CYP7B1: variants seen among roughly 807,000 people sequenced by gnomAD.
CYP7B1 encodes cytochrome P450 family 7 subfamily B member 1, also known as cytochrome P450 7B1.
In CYP7B1, 29 loss-of-function variants were observed where a neutral mutation model predicts 42.7. The ratio of observed to expected loss-of-function variants is 0.68; its 90% CI spans 0.51 to 0.93. CYP7B1 has a LOEUF of 0.93. Ranked by LOEUF, CYP7B1 falls within the 40% of genes least tolerant of loss-of-function variation. The pLI, the probability that CYP7B1 is intolerant of heterozygous loss-of-function variation, is 0.00. For synonymous variants in CYP7B1, 235 were observed against 218.2 expected (o/e 1.08, Z -0.68); for missense variants, 655 against 600.5 (o/e 1.09, Z -0.95).
rs1049281941 is a variant in CYP7B1 at position 64,597,015 on chromosome 8, G to C, written c.1234-86C>G. ...ACAAAGTTGCTAGCTCTCTCTGCCT[G>C]TCTTAAAAAGCTCCTTTTAATCAGG... On this transcript the variant is annotated intron_variant, in intron 5 of 5. Transcript: ENST00000310193. 2.5e-6 allele frequency: 3 copies of C among 1,196,282 alleles called. No individual in the cohort carries two copies. The African/African-American group carries it at 4.7e-5, about 19-fold the overall frequency. 74.1% of individuals were successfully genotyped at this position (1,196,282 alleles called of 1,614,324 possible).
At chr8:64,629,642 G>A (rs79578401) in intron 1 of CYP7B1, among the ~76,000 whole-genome samples, 4,402 of 152,108 alleles carry the variant, frequency 0.029, 196 homozygotes, top group African/African-American at 0.1. Context: ...GGAAGCTGCT[G>A]TGTTTTACCG....
intron 1 of CYP7B1, among the ~76,000 whole-genome samples, chr8:64,624,839 C>CCCATCA (rs1805584005): frequency 6.6e-6 from 1 of 151,676 alleles, no homozygotes; most frequent in South Asian, 2.1e-4. Flanking sequence ...TTTTGGTTTA[C>CCCATCA]CCATCACCCG....
intron 1 of CYP7B1, among the ~76,000 whole-genome samples, chr8:64,691,425 G>C (rs1011163814): frequency 7.9e-6 from 1 of 126,442 alleles, no homozygotes; most frequent in Admixed American, 9.9e-5. Flanking sequence ...GGCACACACA[G>C]CCAGCATATG....
chr8:64,731,428 C>T lies in CYP7B1; in HGVS notation c.122+67038G>A, dbSNP rs112475057. Among the ~76,000 whole-genome samples the T allele has an allele frequency of 1.4e-4, 21 of 152,136 alleles. 2 individuals are homozygous for T. The highest frequency in any genetic ancestry group is 4.3e-4 in the African/African-American group (18 of 41,516). ...ACTGGCAGCATTTTGCCCCTGCCCTCGAGATCTATGGAAATTTGAATTTGA... is the reference window on the plus strand; with the variant it reads ...ACTGGCAGCATTTTGCCCCTGCCCTTGAGATCTATGGAAATTTGAATTTGA... On this transcript the variant is annotated intron_variant, in intron 1 of 5. Coordinates refer to ENST00000310193, the MANE Select transcript of CYP7B1 (RefSeq NM_004820.5).
intron 4 of CYP7B1, 118 bp downstream of exon 4, chr8:64,614,908 G>A (rs1805410475): frequency 1.1e-6 from 1 of 873,708 alleles, no homozygotes; most frequent in Non-Finnish European, 1.9e-6. Flanking sequence ...ATGTAAATGG[G>A]TGTTATTATG....
At chr8:64,686,615 C>T (rs1407689968) in intron 1 of CYP7B1, among the ~76,000 whole-genome samples, 3 of 54,318 alleles carry the variant, frequency 5.5e-5, no homozygotes, top group Admixed American at 3.2e-4. Flanking sequence ...GCCACCACCC[C>T]GTCTGGGAGG....
chr8:64,692,423 G>A (rs762706433), intron 1 of CYP7B1, among the ~76,000 whole-genome samples: 11 of 152,168 alleles, frequency 7.2e-5, no homozygotes, highest in African/African-American at 1.4e-4. Flanking sequence ...GATGGAGCCC[G>A]GTCTGAGAGT....
At chr8:64,724,142 T>C (rs542281029) in intron 1 of CYP7B1, among the ~76,000 whole-genome samples, 5 of 147,794 alleles carry the variant, frequency 3.4e-5, no homozygotes, top group African/African-American at 1.3e-4. Context: ...AAAGAATAAT[T>C]TTTTTTTTTT....
At chr8:64,710,014 T>C (rs1017759141) in intron 1 of CYP7B1, among the ~76,000 whole-genome samples, 2 of 152,140 alleles carry the variant, frequency 1.3e-5, no homozygotes, top group African/African-American at 4.8e-5. Flanking sequence ...AACAGTTCTA[T>C]CAGATAAAAA....
At chr8:64,589,531 CATT>C (rs1403038180), downstream of CYP7B1, among the ~76,000 whole-genome samples, 2 of 152,072 alleles carry the variant, frequency 1.3e-5, no homozygotes, top group African/African-American at 4.8e-5. Flanking sequence ...TAAATAAACT[CATT>C]AGTCCTTAGA....
chr8:64,681,347 A>C (rs1585851550), intron 1 of CYP7B1, among the ~76,000 whole-genome samples: 1 of 151,930 alleles, frequency 6.6e-6, no homozygotes, highest in African/African-American at 2.4e-5. Context: ...TGGGGGGAGG[A>C]AGTTGAAAAG....
chr8:64,742,128 T>G (rs1424157000), intron 1 of CYP7B1, among the ~76,000 whole-genome samples: 2 of 152,234 alleles, frequency 1.3e-5, no homozygotes, highest in African/African-American at 2.4e-5. Flanking sequence ...GAATTATAAT[T>G]CTGACAAATA....
chr8:64,743,685 G>T (rs1807602477), intron 1 of CYP7B1, among the ~76,000 whole-genome samples: 1 of 152,070 alleles, frequency 6.6e-6, no homozygotes, highest in African/African-American at 2.4e-5. Context: ...TAGGGCCCAT[G>T]AGTATGACCT....
intron 1 of CYP7B1, among the ~76,000 whole-genome samples, chr8:64,765,903 G>A (rs1322707621): frequency 6.6e-6 from 1 of 152,136 alleles, no homozygotes; most frequent in Non-Finnish European, 1.5e-5. Context: ...AACCCTGATG[G>A]CTATATTGAT....
At chr8:64,767,712 C>T (rs935830241) in intron 1 of CYP7B1, among the ~76,000 whole-genome samples, 3 of 152,132 alleles carry the variant, frequency 2.0e-5, no homozygotes, top group Admixed American at 6.5e-5. Context: ...AGAAATAATC[C>T]CCTGCAATTC....
chr8:64,771,403 A>G (rs539423640), intron 1 of CYP7B1, among the ~76,000 whole-genome samples: 12 of 151,936 alleles, frequency 7.9e-5, no homozygotes, highest in Admixed American at 4.6e-4. Flanking sequence ...TATTTCTGAT[A>G]CACTGTGAAC....
At chr8:64,629,478 C>T (rs1178039795) in intron 1 of CYP7B1, among the ~76,000 whole-genome samples, 1 of 152,002 alleles carries the variant, frequency 6.6e-6, no homozygotes, top group Non-Finnish European at 1.5e-5. Flanking sequence ...GTAACAGTGC[C>T]TTAGTTTTAT....
At chr8:64,655,824 A>C (rs1314285157) in intron 1 of CYP7B1, among the ~76,000 whole-genome samples, 2 of 152,244 alleles carry the variant, frequency 1.3e-5, no homozygotes, top group African/African-American at 4.8e-5. Flanking sequence ...AATAGCATGC[A>C]ACCATAAAAA....
chr8:64,671,102 A>G (rs1806360914), intron 1 of CYP7B1, among the ~76,000 whole-genome samples: 1 of 151,898 alleles, frequency 6.6e-6, no homozygotes, highest in Non-Finnish European at 1.5e-5. Context: ...ATGTATATAT[A>G]AAATAAGTGC....
Sources: allele counts gnomAD v4.1 joint callset (sites outside exome capture counted in the v4.1 genomes callset), GRCh38; gene constraint gnomAD v4.1.1; transcripts MANE v1.5; gene names NCBI Gene and HGNC (gene_info 2026-07-23, HGNC 2026-07-21).